FBLN1: variants seen among roughly 807,000 people sequenced by gnomAD.
FBLN1 encodes the protein fibulin 1.
In FBLN1, 34 loss-of-function variants were observed where a neutral mutation model predicts 89.7. That is an observed-to-expected ratio of 0.38 (90% confidence interval 0.29 to 0.50). The LOEUF (loss-of-function observed/expected upper bound fraction) is 0.50, where lower values mean the gene tolerates loss of function less well. Among genes scored for constraint, FBLN1 ranks in the 20% least tolerant of loss-of-function variants. The pLI, the probability that FBLN1 is intolerant of heterozygous loss-of-function variation, is 0.92. For synonymous variants in FBLN1, 393 were observed against 391.3 expected, an observed-to-expected ratio of 1.00 and a Z score of -0.05; for missense variants, 777 against 988.1, an observed-to-expected ratio of 0.79 and a Z score of 2.86.
rs1221070893 is a variant in FBLN1 at position 45,503,018 on chromosome 22, G to T, written c.33G>T (p.Pro11=). The T allele has an allele frequency of 1.6e-6, 2 of 1,245,948 alleles. No individual in the cohort carries two copies. Among genetic ancestry groups the T allele is most frequent in the Non-Finnish European group, 2.0e-6 (2 of 996,158 alleles). The allele number at this position is 1,245,948 out of a possible 1,614,324, so 77.2% of individuals were successfully genotyped here. The change falls in exon 1 of 17, where the codon CCG becomes CCT. Residue 11 remains proline (P), a synonymous_variant. Transcript: ENST00000327858. MERAAPSRRV[P]LPLLLLGGLA... is the part of the protein sequence containing the mutation. ...GCGCCGCGCCGTCGCGCCGGGTCCC[G>T]CTTCCGCTGCTGCTGCTCGGCGGCC...
At chr22:45,546,964 T>C in intron 11 of FBLN1, 121 bp from the exon 12 acceptor site, 1 of 1,507,290 alleles carries the variant, frequency 6.6e-7, no homozygotes, top group Non-Finnish European at 9.1e-7. Context: ...GACCTCTGTC[T>C]CTCCGAGTGT....
Position 45,549,349 on chromosome 22 carries a change from T to A in FBLN1, c.1573+605T>A, listed in dbSNP as rs2088672397. On this transcript the variant is annotated intron_variant, in intron 13 of 16. Transcript: ENST00000327858. This position sits in a 1 kb window ranked among gnomAD's most constrained non-coding sequence, Gnocchi z 5.7. Reference sequence around the variant, plus strand: ...GTACACACTGCGCCCAGAAGCTGAGTCATGGAGGTGGGGCTGTCCAGCCAG... The same window carrying A: ...GTACACACTGCGCCCAGAAGCTGAGACATGGAGGTGGGGCTGTCCAGCCAG... 6.6e-6 allele frequency among the ~76,000 whole-genome samples: 1 copy of A among 152,026 alleles called. No homozygotes were observed. The highest frequency in any genetic ancestry group is 2.1e-4 in the South Asian group (1 of 4,816).
Position 45,525,724 on chromosome 22 carries a change from C to A in FBLN1, c.321+46C>A, listed in dbSNP as rs372586119. ...GGGGTCGCTGCCCGTCCCCACTAGT[C>A]GGCAGACCCAGGCCCTCCCAGCCAA... is the stretch of plus-strand genomic sequence containing the variant. On this transcript the variant is annotated intron_variant, in intron 3 of 16. Coordinates refer to ENST00000327858, the MANE Select transcript of FBLN1 (RefSeq NM_006486.3). 7.7e-6 allele frequency: 12 copies of A among 1,550,526 alleles called. No homozygotes were observed. In the East Asian group the frequency reaches 2.9e-4, roughly 38 times the overall value.
rs545053935 is a variant in FBLN1, at chr22:45,562,694, G to C, written c.1698-11817G>C. Among the ~76,000 whole-genome samples the C allele has an allele frequency of 8.4e-4, 128 of 152,338 alleles. 1 individual carries two copies. Among genetic ancestry groups the C allele is most frequent in the African/African-American group, 2.7e-3 (114 of 41,584 alleles). On this transcript the variant is annotated intron_variant, in intron 14 of 16. Transcript: ENST00000327858. This position sits in a 1 kb window ranked among gnomAD's most constrained non-coding sequence, Gnocchi z 7.8. ...TTTGGCCCCCGGCCACCCAGCGCCC[G>C]AGATGGTGTTGGAAGAGGCTAGTGC... is the stretch of plus-strand genomic sequence containing the variant.
chr22:45,517,726 G>T (rs779998644), intron 1 of FBLN1: 13 of 432,372 alleles, frequency 3.0e-5, no homozygotes, highest in Non-Finnish European at 5.8e-5. Context: ...ACCATCACCA[G>T]CCTCGGTTTC....
At position 45,550,502 on chromosome 22, in the gene FBLN1, G is replaced by A. The variant is rs1030460099; in HGVS notation, c.1584G>A (p.Glu528=). The change falls in exon 14 of 17, where the codon GAG becomes GAA. Residue 528 remains glutamate (E), a synonymous_variant. Coordinates refer to ENST00000327858, the MANE Select transcript of FBLN1 (RefSeq NM_006486.3). The surrounding 1 kb of genome is among the most constrained non-coding windows in gnomAD (Gnocchi z 8.4). ...TGGGGTCTCTTGCAGACATTGATGA[G>A]TGTGTGACTGGCATCCACAACTGCT... The part of the protein sequence containing the change: ...PNGRNCQDID[E]CVTGIHNCSI... The A allele has an allele frequency of 1.2e-6, 2 of 1,614,048 alleles. No individual in the cohort carries two copies. The highest frequency in any genetic ancestry group is 1.3e-5 in the African/African-American group (1 of 75,054).
chr22:45,594,756 G>A (rs1185293585), intron 16 of FBLN1, among the ~76,000 whole-genome samples: 2 of 146,952 alleles, frequency 1.4e-5, no homozygotes, highest in Non-Finnish European at 2.9e-5. Flanking sequence ...GTGGATAGAT[G>A]GATGGATGGA....
chr22:45,553,557 C>T (rs764816874), intron 14 of FBLN1, among the ~76,000 whole-genome samples: 14 of 152,178 alleles, frequency 9.2e-5, no homozygotes, highest in Non-Finnish European at 5.9e-5. Context: ...TTGAGTAGAG[C>T]GAAGTACGAT....
rs1383744803 is a variant in FBLN1 at position 45,555,311 on chromosome 22, A to AAT, written c.1697+4706_1697+4707dup. Among the ~76,000 whole-genome samples the AAT allele has an allele frequency of 1.4e-5, 2 of 143,080 alleles. 1 individual carries two copies. Among genetic ancestry groups the AAT allele is most frequent in the South Asian group, 4.3e-4 (2 of 4,698 alleles). 93.9% of individuals were successfully genotyped at this position (143,080 alleles called of 152,430 possible). On this transcript the variant is annotated intron_variant, in intron 14 of 16. Transcript: ENST00000327858. ...TATATAAAATGGAATATATATATGG[A>AAT]ATATATATATAAAGTGGAGTTTATT... is the stretch of plus-strand genomic sequence containing the variant.
At chr22:45,596,686 T>G (rs1028171212) in intron 16 of FBLN1, among the ~76,000 whole-genome samples, 4 of 112,060 alleles carry the variant, frequency 3.6e-5, no homozygotes, top group African/African-American at 1.9e-4. Context: ...CAACATAATA[T>G]GATAATTATA....
Position 45,596,690 on chromosome 22 carries a change from AATT to A in FBLN1, c.1973-3614_1973-3612del, listed in dbSNP as rs1357212642. On this transcript the variant is annotated intron_variant, in intron 16 of 16. Transcript: ENST00000327858. ...TGTACATATAGCAACATAATATGAT[AATT>A]ATATATTTATCATGTTTATATTTTA... Among the ~76,000 whole-genome samples, 56 of 127,106 alleles carry A rather than the reference AATT, an allele frequency of 4.4e-4. 1 individual carries two copies. Among genetic ancestry groups the A allele is most frequent in the Admixed American group, 5.9e-4 (8 of 13,618 alleles). The allele number at this position is 127,106 out of a possible 152,430, so 83.4% of individuals were successfully genotyped here. A position where few individuals can be genotyped will look rare whatever the true frequency, so the allele number is the denominator to read the frequency against.
rs2147030694 is a variant in FBLN1 at position 45,578,384 on chromosome 22, G to C, written c.1972+1276G>C. On this transcript the variant is annotated intron_variant, in intron 16 of 16. Coordinates refer to ENST00000327858, the MANE Select transcript of FBLN1 (RefSeq NM_006486.3). The surrounding 1 kb of genome is among the most constrained non-coding windows in gnomAD (Gnocchi z 4.6). Reference sequence around the variant, plus strand: ...GGGCTCCCCACCCCAGCCTCCTCCTGCGCTAGCTGGCAGCAGGAATAATTA... The same window carrying C: ...GGGCTCCCCACCCCAGCCTCCTCCTCCGCTAGCTGGCAGCAGGAATAATTA... The C allele has an allele frequency of 6.6e-6, 1 of 152,334 alleles. No individual in the cohort carries two copies. The highest frequency in any genetic ancestry group is 2.4e-5 in the African/African-American group (1 of 41,578). The allele number at this position is 152,334 out of a possible 1,614,324, so 9.4% of individuals were successfully genotyped here.
At chr22:45,599,417 C>G (rs1601551346) in intron 16 of FBLN1, among the ~76,000 whole-genome samples, 1 of 152,254 alleles carries the variant, frequency 6.6e-6, no homozygotes, top group Admixed American at 6.5e-5. Context: ...GCAAGGGGTC[C>G]GGAGGCATGC....
Position 45,542,169 on chromosome 22 carries a change from G to A in FBLN1, c.1081G>A (p.Ala361Thr), listed in dbSNP as rs772202085. Residue 361 changes from alanine (A) to threonine (T), a missense_variant, in exon 10 of 17, where the codon GCG becomes ACG. Coordinates refer to ENST00000327858, the MANE Select transcript of FBLN1 (RefSeq NM_006486.3). ...GTRCVDVDECAPPAEPCGKGH... is the reference protein window; with the variant it reads ...GTRCVDVDECTPPAEPCGKGH... ...TCCTTTGCAAGATGTGGACGAGTGC[G>A]CGCCACCTGCTGAGCCCTGTGGGAA... 2.1e-5 allele frequency: 34 copies of A among 1,614,068 alleles called. No homozygotes were observed. Among genetic ancestry groups the A allele is most frequent in the Non-Finnish European group, 2.6e-5 (31 of 1,180,040 alleles).
intron 1 of FBLN1, among the ~76,000 whole-genome samples, chr22:45,505,263 G>A (rs2088003083): frequency 6.6e-6 from 1 of 152,236 alleles, no homozygotes; most frequent in Non-Finnish European, 1.5e-5. Flanking sequence ...GCCTCTGGCT[G>A]CAGCCGGGCA....
rs2088416588 is a variant in FBLN1 at position 45,532,098 on chromosome 22, T to C, written c.544+774T>C. On this transcript the variant is annotated intron_variant, in intron 5 of 16. Coordinates refer to ENST00000327858, the MANE Select transcript of FBLN1 (RefSeq NM_006486.3). The surrounding 1 kb of genome is among the most constrained non-coding windows in gnomAD (Gnocchi z 4.2). ...TCTGCCTCACAAGCTCTTTCAGTGG[T>C]TCCCCCTGTGGTTAGGGTGTTAATT... Among the ~76,000 whole-genome samples the C allele has an allele frequency of 6.6e-6, 1 of 152,248 alleles. No homozygotes were observed.
chr22:45,575,106 T>A lies in FBLN1; in HGVS notation c.1840+453T>A, dbSNP rs779768543. 2.0e-5 allele frequency among the ~76,000 whole-genome samples: 3 copies of A among 152,110 alleles called. No homozygotes were observed. Among genetic ancestry groups the A allele is most frequent in the Non-Finnish European group, 4.4e-5 (3 of 68,032 alleles). On this transcript the variant is annotated intron_variant, in intron 15 of 16. Coordinates refer to ENST00000327858, the MANE Select transcript of FBLN1 (RefSeq NM_006486.3). The surrounding 1 kb of genome is among the most constrained non-coding windows in gnomAD (Gnocchi z 6.3). The stretch of plus-strand genomic sequence containing the variant: ...AACTTGACATGCAGAACTTTCTTTG[T>A]GTCTGTGTCCCCCCCACACCCACCT...
intron 16 of FBLN1, among the ~76,000 whole-genome samples, chr22:45,596,448 G>A (rs9626401): frequency 0.011 from 1,635 of 152,180 alleles, 31 homozygotes; most frequent in African/African-American, 0.034. Flanking sequence ...CGTAGCATGC[G>A]CAGACCCTCT....
chr22:45,530,844 A>T lies in FBLN1; in HGVS notation c.485-421A>T, dbSNP rs9754515. Among the ~76,000 whole-genome samples, 23,531 of 151,718 alleles carry T rather than the reference A, an allele frequency of 0.16. 2,391 individuals are homozygous for T. Among genetic ancestry groups the T allele is most frequent in the African/African-American group, 0.29 (11,866 of 41,332 alleles). ...AATGGTGTGATCTTGACTCACTGCA[A>T]CCTCCGACTCCTGAGTTCAAGCGAT... On this transcript the variant is annotated intron_variant, in intron 4 of 16. Transcript: ENST00000327858. The surrounding 1 kb of genome is among the most constrained non-coding windows in gnomAD (Gnocchi z 5.4).
Sources: gnomAD v4.1 joint callset for allele counts (sites outside exome capture counted in the v4.1 genomes callset) on GRCh38, gnomAD v4.1.1 for gene constraint, Gnocchi (gnomAD v3.1) non-coding constraint, MANE v1.5 for transcripts, NCBI Gene and HGNC (gene_info 2026-07-23, HGNC 2026-07-21) for gene names.